The following SUFU variants were observed in gnomAD, a reference collection of about 807,000 sequenced individuals.
SUFU encodes suppressor of fused homolog.
In SUFU, 7 loss-of-function variants were observed where a neutral mutation model predicts 58.9. The observed-to-expected ratio is 0.12, with a 90% CI of 0.07 to 0.22. The LOEUF is 0.22. SUFU is among the 10% of genes least tolerant of loss of function. The probability of loss-of-function intolerance (pLI) is 1.00; values close to 1 mark genes in which losing one functional copy is unlikely to be tolerated. For synonymous variants in SUFU, 232 were observed against 254.8 expected, an observed-to-expected ratio of 0.91 and a Z score of 0.85; for missense variants, 451 against 641.3, an observed-to-expected ratio of 0.70 and a Z score of 3.20.
At chr10:102,595,475 G>A (rs1403103328) in intron 6 of SUFU, among the ~76,000 whole-genome samples, 1 of 152,178 alleles carries the variant, frequency 6.6e-6, no homozygotes, top group Non-Finnish European at 1.5e-5. Context: ...AGCCACACTG[G>A]GATCCAGCAT....
intron 2 of SUFU, among the ~76,000 whole-genome samples, chr10:102,542,905 A>G (rs1286499822): frequency 1.3e-5 from 2 of 152,194 alleles, no homozygotes; most frequent in African/African-American, 4.8e-5. Flanking sequence ...AATTACAGGC[A>G]TGAACCACCG....
rs555693122 is a variant in SUFU, at chr10:102,586,401, C to T, written c.455-6181C>T. ...TTTAAAATGTGATTAAGCCTGGGCA[C>T]GGTGGCTTACGCCTGTAATCCCAGC... is the stretch of plus-strand genomic sequence containing the variant. On this transcript the variant is annotated intron_variant, in intron 3 of 11. Transcript: ENST00000369902. Among the ~76,000 whole-genome samples the T allele has an allele frequency of 7.9e-5, 12 of 151,982 alleles. No individual in the cohort carries two copies. The South Asian group carries it at 2.1e-3, about 26-fold the overall frequency.
rs59259635 is a variant in SUFU at position 102,618,931 on chromosome 10, CGTGTGTGTGTGT to C, written c.1296+1540_1296+1551del. ...ATCATTCCCAAGTGTCCTCAGGTAG[CGTGTGTGTGTGT>C]GTGTGTGTGTGTGTGTGTGTGTGTG... On this transcript the variant is annotated intron_variant, in intron 10 of 11. Transcript: ENST00000369902. The C allele has an allele frequency of 2.1e-3, 1,190 of 575,274 alleles. 1 individual carries two copies. The highest frequency in any genetic ancestry group is 5.9e-3 in the Middle Eastern group (12 of 2,026). 35.6% of individuals were successfully genotyped at this position (575,274 alleles called of 1,614,324 possible). A position where few individuals can be genotyped will look rare whatever the true frequency, so the allele number is the denominator to read the frequency against.
intron 2 of SUFU, among the ~76,000 whole-genome samples, chr10:102,543,800 C>T (rs2062826937): frequency 6.6e-6 from 1 of 152,180 alleles, no homozygotes; most frequent in Non-Finnish European, 1.5e-5. Context: ...GTTCTGAGTA[C>T]TGTTTCCAAA....
intron 10 of SUFU, among the ~76,000 whole-genome samples, chr10:102,623,061 G>A (rs1438262779): frequency 6.6e-6 from 1 of 150,718 alleles, no homozygotes; most frequent in African/African-American, 2.4e-5. Flanking sequence ...TTCAGGAAGT[G>A]TGAATGGGGC....
chr10:102,504,193 C>A lies in SUFU; in HGVS notation c.41C>A (p.Ala14Glu). 1 of 1,542,662 alleles carries A rather than the reference C, an allele frequency of 6.5e-7. No homozygotes were observed. Among genetic ancestry groups the A allele is most frequent in the East Asian group, 2.4e-5 (1 of 41,662 alleles). Residue 14 changes from alanine to glutamate, a missense_variant, in exon 1 of 12, where the codon GCG (alanine) becomes GAG (glutamate). Transcript: ENST00000369902. ...CCTAGCGGCGCCCCCGGCCCCACCG[C>A]GCCCCCGGCCCCTGGCCCGACTGCC... is the stretch of plus-strand genomic sequence containing the variant. The part of the protein sequence containing the change: ...LRPSGAPGPT[A>E]PPAPGPTAPP...
chr10:102,521,631 G>A (rs2062552680), intron 2 of SUFU, among the ~76,000 whole-genome samples: 2 of 152,080 alleles, frequency 1.3e-5, no homozygotes, highest in Admixed American at 6.6e-5. Context: ...TAGAGAGACT[G>A]GTATGCAGAT....
chr10:102,598,722 T>G (rs2063488075), intron 7 of SUFU, among the ~76,000 whole-genome samples: 1 of 152,216 alleles, frequency 6.6e-6, no homozygotes, highest in African/African-American at 2.4e-5. Context: ...TTTGAGCAAC[T>G]AATTTTAATT....
At chr10:102,615,120 G>C in intron 8 of SUFU, 148 bp from the exon 9 acceptor site, 1 of 1,216,618 alleles carries the variant, frequency 8.2e-7, no homozygotes, top group Non-Finnish European at 1.2e-6. Context: ...GCGCTCGCCA[G>C]GCATATACAG....
At chr10:102,589,251 C>G (rs2063368321) in intron 3 of SUFU, among the ~76,000 whole-genome samples, 1 of 151,798 alleles carries the variant, frequency 6.6e-6, no homozygotes, top group African/African-American at 2.4e-5. Context: ...TGGATTGTTC[C>G]TTGCTAGTAT....
chr10:102,538,501 A>G (rs147860242), intron 2 of SUFU, among the ~76,000 whole-genome samples: 1 of 152,172 alleles, frequency 6.6e-6, no homozygotes, highest in African/African-American at 2.4e-5. Context: ...TTTAGTAGCT[A>G]CCATATGGAA....
intron 2 of SUFU, among the ~76,000 whole-genome samples, chr10:102,541,442 A>G (rs1283590778): frequency 6.7e-6 from 1 of 148,716 alleles, no homozygotes; most frequent in Non-Finnish European, 1.5e-5. Context: ...TCTGTCACCC[A>G]GGCTGGAGTG....
chr10:102,587,578 T>G (rs2063347418), intron 3 of SUFU, among the ~76,000 whole-genome samples: 1 of 152,038 alleles, frequency 6.6e-6, no homozygotes, highest in Non-Finnish European at 1.5e-5. Context: ...TGCAACCTCC[T>G]CCTCCCGGGT....
chr10:102,568,212 A>G (rs1345136238), intron 3 of SUFU, among the ~76,000 whole-genome samples: 2 of 151,772 alleles, frequency 1.3e-5, no homozygotes, highest in African/African-American at 4.8e-5. Flanking sequence ...TTTTACTTAA[A>G]AAAAAAAAAA....
intron 3 of SUFU, among the ~76,000 whole-genome samples, chr10:102,560,804 G>A (rs1175083784): frequency 1.3e-5 from 2 of 151,708 alleles, no homozygotes; most frequent in South Asian, 2.1e-4. Flanking sequence ...GAGCGTCCTC[G>A]TATATGTACA....
chr10:102,592,468 G>T, intron 3 of SUFU, 114 bp from the exon 4 acceptor site: 1 of 1,213,670 alleles, frequency 8.2e-7, no homozygotes, highest in Non-Finnish European at 1.2e-6. Flanking sequence ...CCTTCACAGG[G>T]GCTACCCTAA....
intron 10 of SUFU, chr10:102,618,627 G>T: frequency 5.4e-6 from 1 of 186,286 alleles, no homozygotes; most frequent in Non-Finnish European, 1.1e-5. Context: ...AAATTACTTT[G>T]AACCATAAAG....
intron 2 of SUFU, among the ~76,000 whole-genome samples, chr10:102,515,935 C>G (rs908128323): frequency 3.9e-5 from 6 of 152,110 alleles, no homozygotes; most frequent in Admixed American, 3.3e-4. Context: ...AACAGGTGAT[C>G]TGGACCACCA....
intron 2 of SUFU, among the ~76,000 whole-genome samples, chr10:102,522,272 A>G (rs1451826820): frequency 6.6e-6 from 1 of 152,192 alleles, no homozygotes; most frequent in Non-Finnish European, 1.5e-5. Context: ...TATATGTATG[A>G]ACTGTGCTGT....
Sources: gnomAD v4.1 joint callset for allele counts (sites outside exome capture counted in the v4.1 genomes callset) on GRCh38, gnomAD v4.1.1 for gene constraint, MANE v1.5 for transcripts, NCBI Gene and HGNC (gene_info 2026-07-23, HGNC 2026-07-21) for gene names.